ADGB: variants seen among roughly 807,000 people sequenced by gnomAD.
ADGB encodes calpain-7-like protein.
A neutral mutation model predicts 210.5 loss-of-function variants in ADGB; 172 were observed. That is an observed-to-expected ratio of 0.82 (90% CI 0.72 to 0.93). ADGB has a LOEUF of 0.93. Ranked by LOEUF, ADGB falls within the 40% of genes least tolerant of loss-of-function variation. The pLI is 0.00. For missense variants in ADGB, 2,025 were observed against 1,964.8 expected, an observed-to-expected ratio of 1.03 and a Z score of -0.58; for synonymous variants, 658 against 662.7, an observed-to-expected ratio of 0.99 and a Z score of 0.11.
intron 5 of ADGB, among the ~76,000 whole-genome samples, chr6:146,661,260 G>A (rs375805899): frequency 2.8e-3 from 339 of 120,138 alleles, no homozygotes; most frequent in Middle Eastern, 0.016. Context: ...TGACTCTGTC[G>A]CTCAGGCTGG....
At chr6:146,721,137 G>A (rs1340732624) in intron 16 of ADGB, among the ~76,000 whole-genome samples, 1 of 152,104 alleles carries the variant, frequency 6.6e-6, no homozygotes, top group Admixed American at 6.5e-5. Context: ...TCCCTCTTCT[G>A]TCCTCATAGA....
intron 23 of ADGB, among the ~76,000 whole-genome samples, chr6:146,739,495 C>G (rs1226317246): frequency 6.6e-6 from 1 of 152,116 alleles, no homozygotes; most frequent in Non-Finnish European, 1.5e-5. Context: ...TTTAAAAGGC[C>G]TTTCAAACCC....
chr6:146,750,454 A>G (rs1777303103), intron 26 of ADGB, among the ~76,000 whole-genome samples: 1 of 152,020 alleles, frequency 6.6e-6, no homozygotes, highest in African/African-American at 2.4e-5. Flanking sequence ...GCTATATTGG[A>G]GTCTGACGCG....
chr6:146,702,739 GTT>G (rs1193397594), intron 13 of ADGB, among the ~76,000 whole-genome samples: 33 of 151,768 alleles, frequency 2.2e-4, no homozygotes, highest in Non-Finnish European at 1.5e-5. Context: ...ATGAACTGTA[GTT>G]TATTTCTATC....
At chr6:146,790,118 G>A (rs1328797608) in intron 33 of ADGB, among the ~76,000 whole-genome samples, 1 of 151,878 alleles carries the variant, frequency 6.6e-6, no homozygotes, top group African/African-American at 2.4e-5. Flanking sequence ...ACATGTATAG[G>A]TTATGGAATG....
intron 11 of ADGB, 141 bp downstream of exon 11, chr6:146,691,431 TATATATATATAAAA>T (rs1776310529): frequency 6.4e-5 from 2 of 31,068 alleles, no homozygotes; most frequent in African/African-American, 4.4e-4. Context: ...TATATATATA[TATATATATATAAAA>T]ATATATATAT....
Position 146,746,111 on chromosome 6 carries a change from T to C in ADGB, c.3365+2T>C. 6.6e-7 allele frequency: 1 copy of C among 1,522,238 alleles called. No homozygotes were observed. Among genetic ancestry groups the C allele is most frequent in the Non-Finnish European group, 8.9e-7 (1 of 1,128,328 alleles). 94.3% of individuals were successfully genotyped at this position (1,522,238 alleles called of 1,614,324 possible). ...CAATGATAAGAAAATTTTATTCAGGTACAAGTAAATGACAGAAGGGGAAAG... is the reference window on the plus strand; with the variant it reads ...CAATGATAAGAAAATTTTATTCAGGCACAAGTAAATGACAGAAGGGGAAAG... On this transcript the variant is annotated splice_donor_variant, in intron 26 of 35. Coordinates refer to ENST00000397944, the MANE Select transcript of ADGB (RefSeq NM_024694.4). LOFTEE classifies it high-confidence loss of function.
chr6:146,760,952 A>G (rs553771684), intron 27 of ADGB, among the ~76,000 whole-genome samples: 4 of 151,980 alleles, frequency 2.6e-5, no homozygotes, highest in African/African-American at 9.6e-5. Context: ...AGTTGTCTTT[A>G]TTATTATTAA....
At chr6:146,657,331 AAAG>A (rs1314934603) in intron 5 of ADGB, among the ~76,000 whole-genome samples, 3 of 147,178 alleles carry the variant, frequency 2.0e-5, no homozygotes, top group Non-Finnish European at 3.1e-5. Context: ...AAAAAAAAAA[AAAG>A]AAAGAAAGAA....
rs1776023134 is a variant in ADGB, at chr6:146,672,433, A to G, written c.1053A>G (p.Leu351=). ...EFKPESSLTT[L]KAPEKSDKVP... Reference sequence around the variant, plus strand: ...AACCTGAAAGTTCTTTGACAACACTAAAGGCTCCTGAGAAAAGCGACAAAG... The same window carrying G: ...AACCTGAAAGTTCTTTGACAACACTGAAGGCTCCTGAGAAAAGCGACAAAG... The change falls in exon 8 of 36, where the codon CTA becomes CTG. Residue 351 remains leucine (L), a synonymous_variant. Transcript: ENST00000397944. 3 of 1,548,884 alleles carry G rather than the reference A, an allele frequency of 1.9e-6. No individual in the cohort carries two copies. Among genetic ancestry groups the G allele is most frequent in the Non-Finnish European group, 1.7e-6 (2 of 1,146,214 alleles).
intron 12 of ADGB, among the ~76,000 whole-genome samples, chr6:146,695,556 C>G (rs904565542): frequency 2.0e-5 from 3 of 151,484 alleles, no homozygotes; most frequent in Non-Finnish European, 4.4e-5. Flanking sequence ...ATGTTCTTTC[C>G]TGTATGGTAG....
chr6:146,653,068 A>T (rs1469438673), intron 3 of ADGB, among the ~76,000 whole-genome samples: 1 of 152,124 alleles, frequency 6.6e-6, no homozygotes, highest in African/African-American at 2.4e-5. Flanking sequence ...GAGCAGCAGC[A>T]TTAGATTCTC....
chr6:146,678,607 C>A (rs937990344), intron 9 of ADGB, among the ~76,000 whole-genome samples: 8 of 152,128 alleles, frequency 5.3e-5, no homozygotes, highest in Non-Finnish European at 8.8e-5. Context: ...ATAAAGAACC[C>A]CTGTTTTATT....
At chr6:146,742,251 A>G (rs1434017467) in intron 25 of ADGB, among the ~76,000 whole-genome samples, 4 of 152,058 alleles carry the variant, frequency 2.6e-5, no homozygotes, top group African/African-American at 9.7e-5. Context: ...TTATATACAT[A>G]TATAATCTGT....
chr6:146,725,945 A>T, intron 18 of ADGB, 138 bp from the exon 19 acceptor site: 1 of 549,286 alleles, frequency 1.8e-6, no homozygotes, highest in South Asian at 2.8e-5. Context: ...AAAGATCCTT[A>T]TCTCATCTGT....
intron 28 of ADGB, among the ~76,000 whole-genome samples, chr6:146,766,904 C>A (rs1048784637): frequency 1.3e-5 from 2 of 152,224 alleles, no homozygotes; most frequent in East Asian, 3.9e-4. Flanking sequence ...ATTCAGAAAT[C>A]TTTTACCATT....
chr6:146,631,914 T>A (rs1781071323), intron 1 of ADGB, among the ~76,000 whole-genome samples: 1 of 151,772 alleles, frequency 6.6e-6, no homozygotes. Context: ...TTTCACTTTA[T>A]CATTCTTGAT....
intron 35 of ADGB, chr6:146,807,507 G>A (rs1043521284): frequency 5.8e-6 from 9 of 1,551,384 alleles, no homozygotes; most frequent in Non-Finnish European, 7.8e-6. Context: ...CTCTGCTCAG[G>A]AAGCCGCCAT....
chr6:146,746,249 G>T (rs1475527832), intron 26 of ADGB, 140 bp downstream of exon 26: 3 of 638,954 alleles, frequency 4.7e-6, no homozygotes, highest in Non-Finnish European at 7.7e-6. Flanking sequence ...TTAATTGAGT[G>T]TGATGTGATT....
Sources: allele counts gnomAD v4.1 joint callset (sites outside exome capture counted in the v4.1 genomes callset), GRCh38; gene constraint gnomAD v4.1.1; transcripts MANE v1.5; gene names NCBI Gene and HGNC (gene_info 2026-07-23, HGNC 2026-07-21).